The following MERTK variants were observed in gnomAD, a reference collection of about 807,000 sequenced individuals.
MERTK encodes MER proto-oncogene, tyrosine kinase.
Under a neutral mutation model 99.3 loss-of-function variants are expected in MERTK, and 69 were observed. That is an observed-to-expected ratio of 0.70 (90% CI 0.57 to 0.85). The LOEUF (loss-of-function observed/expected upper bound fraction) is 0.85. MERTK is among the 40% of genes least tolerant of loss of function. MERTK has a pLI of 0.00. For missense variants in MERTK, 1,125 were observed against 1,249.4 expected (o/e 0.90, Z 1.50); for synonymous variants, 426 against 467.6 (o/e 0.91, Z 1.15).
At chr2:111,904,578 G>C (rs573586667) in intron 1 of MERTK, among the ~76,000 whole-genome samples, 1 of 152,072 alleles carries the variant, frequency 6.6e-6, no homozygotes, top group Non-Finnish European at 1.5e-5. Context: ...GTTTCACCGT[G>C]TTGGGCAGGC....
chr2:111,967,120 C>T (rs76957207), intron 5 of MERTK, among the ~76,000 whole-genome samples: 1 of 152,198 alleles, frequency 6.6e-6, no homozygotes, highest in Non-Finnish European at 1.5e-5. Context: ...CTGGTGTTCC[C>T]ACTGTCTGCT....
At position 111,937,320 on chromosome 2, in the gene MERTK, T is replaced by C. The variant is rs116856979; in HGVS notation, c.483-7640T>C. On this transcript the variant is annotated intron_variant, in intron 2 of 18. Coordinates refer to ENST00000295408, the MANE Select transcript of MERTK (RefSeq NM_006343.3). Reference sequence around the variant, plus strand: ...AAAAAAAATTAGGCAGACATGGTGGTGCACACTTGTGGTCCCAGCTACTCA... The same window carrying C: ...AAAAAAAATTAGGCAGACATGGTGGCGCACACTTGTGGTCCCAGCTACTCA... Among the ~76,000 whole-genome samples the C allele has an allele frequency of 5.7e-3, 854 of 150,368 alleles. 44 individuals carry two copies. The East Asian group carries it at 0.13, about 23-fold the overall frequency.
chr2:111,913,212 A>G (rs1392087496), intron 1 of MERTK, among the ~76,000 whole-genome samples: 2 of 152,260 alleles, frequency 1.3e-5, no homozygotes, highest in South Asian at 2.1e-4. Flanking sequence ...TACAATCTGT[A>G]TATCAATTTG....
At chr2:111,902,808 C>CTTTT (rs5833423) in intron 1 of MERTK, among the ~76,000 whole-genome samples, 1 of 143,940 alleles carries the variant, frequency 6.9e-6, no homozygotes, top group East Asian at 2.0e-4. Flanking sequence ...CTCCCTCCCT[C>CTTTT]TATTTCTTTA....
Position 111,980,265 on chromosome 2 carries a change from C to T in MERTK, c.1145-2577C>T, listed in dbSNP as rs1390989739. 2.6e-5 allele frequency among the ~76,000 whole-genome samples: 4 copies of T among 152,116 alleles called. No homozygotes were observed. The South Asian group carries it at 6.2e-4, about 24-fold the overall frequency. ...TATTTTCCCAGTTTTCAGCCTGGCT[C>T]CTTATCATGCCTCCATTCTACAGGT... is the stretch of plus-strand genomic sequence containing the variant. On this transcript the variant is annotated intron_variant, in intron 7 of 18. Transcript: ENST00000295408.
rs115828986 is a variant in MERTK at position 111,973,578 on chromosome 2, G to C, written c.961-1711G>C. On this transcript the variant is annotated intron_variant, in intron 6 of 18. Transcript: ENST00000295408. Reference sequence around the variant, plus strand: ...CTGAAATTACAGTACTGTATATCCAGAGCCCAGAACTGCAAGCCCATTATT... The same window carrying C: ...CTGAAATTACAGTACTGTATATCCACAGCCCAGAACTGCAAGCCCATTATT... 9.9e-3 allele frequency among the ~76,000 whole-genome samples: 1,511 copies of C among 152,234 alleles called. 27 individuals carry two copies. The highest frequency in any genetic ancestry group is 0.035 in the African/African-American group (1,454 of 41,532).
In MERTK at chr2:111,898,743, CG is replaced by C. The variant is rs1402909136; in HGVS notation, c.10del (p.Ala4ProfsTer60). 6.2e-7 allele frequency: 1 copy of C among 1,606,430 alleles called. No individual in the cohort carries two copies. Among genetic ancestry groups the C allele is most frequent in the Non-Finnish European group, 8.5e-7 (1 of 1,177,064 alleles). On this transcript the variant is annotated frameshift_variant, in exon 1 of 19. Coordinates refer to ENST00000295408, the MANE Select transcript of MERTK (RefSeq NM_006343.3). LOFTEE classifies it high-confidence loss of function. MG[P>X]APLPLLLGLF... ...CAGATCCGCAGCCCCGGGATGGGGC[CG>C]GCCCCGCTGCCGCTGCTGCTGGGCC...
intron 1 of MERTK, among the ~76,000 whole-genome samples, chr2:111,921,413 T>C (rs1684456917): frequency 6.6e-6 from 1 of 151,700 alleles, no homozygotes; most frequent in Admixed American, 6.6e-5. Flanking sequence ...GGCAGGAGAA[T>C]TGCTTGAACC....
At chr2:111,931,198 C>CT (rs879854025) in intron 2 of MERTK, among the ~76,000 whole-genome samples, 6 of 151,856 alleles carry the variant, frequency 4.0e-5, no homozygotes, top group Non-Finnish European at 7.4e-5. Context: ...AAGATGTGCC[C>CT]TTTTTTTTAC....
rs1684937922 is a variant in MERTK at position 111,944,958 on chromosome 2, A to C, written c.483-2A>C. On this transcript the variant is annotated splice_acceptor_variant, in intron 2 of 18. Transcript: ENST00000295408. LOFTEE classifies it high-confidence loss of function. ...AATATCTTCATGTGTTTTTCTTTGC[A>C]GCATAACCAGTGTGCAGCGTTCAGA... is the stretch of plus-strand genomic sequence containing the variant. The C allele has an allele frequency of 6.2e-7, 1 of 1,611,946 alleles. No homozygotes were observed. Among genetic ancestry groups the C allele is most frequent in the East Asian group, 2.2e-5 (1 of 44,844 alleles).
chr2:111,902,766 G>GTTCC (rs575415189), intron 1 of MERTK, among the ~76,000 whole-genome samples: 4,789 of 134,692 alleles, frequency 0.036, 118 homozygotes, highest in Middle Eastern at 0.11. Context: ...AACCTGATCA[G>GTTCC]TTCCTTCCTT....
chr2:111,985,642 A>G (rs1464130411), intron 8 of MERTK, among the ~76,000 whole-genome samples: 1 of 152,186 alleles, frequency 6.6e-6, no homozygotes, highest in Non-Finnish European at 1.5e-5. Flanking sequence ...GGCAGGAGGC[A>G]GAGAAGGAGC....
At chr2:111,983,729 T>G (rs2104741926) in intron 8 of MERTK, among the ~76,000 whole-genome samples, 1 of 152,320 alleles carries the variant, frequency 6.6e-6, no homozygotes, top group South Asian at 2.1e-4. Flanking sequence ...GCAAACAAGC[T>G]GATCCTCTGT....
chr2:112,020,785 G>T, intron 16 of MERTK: 1 of 419,942 alleles, frequency 2.4e-6, no homozygotes. Flanking sequence ...GTTTTGAGCT[G>T]CTGCTCTTTC....
chr2:111,902,241 G>A (rs1441582281), intron 1 of MERTK, among the ~76,000 whole-genome samples: 1 of 152,118 alleles, frequency 6.6e-6, no homozygotes, highest in Non-Finnish European at 1.5e-5. Context: ...ATTGTAGAAG[G>A]GCCAGTGAGT....
At chr2:111,900,027 A>G (rs1684014707) in intron 1 of MERTK, among the ~76,000 whole-genome samples, 2 of 151,510 alleles carry the variant, frequency 1.3e-5, no homozygotes, top group South Asian at 4.1e-4. Flanking sequence ...ACACATTCCA[A>G]GTATTTTCTC....
chr2:111,900,647 G>A (rs1344487918), intron 1 of MERTK, among the ~76,000 whole-genome samples: 1 of 151,830 alleles, frequency 6.6e-6, no homozygotes, highest in African/African-American at 2.4e-5. Context: ...ATCATAAAAA[G>A]GCCTTTTAAA....
In MERTK at chr2:111,902,136, T is replaced by G. The variant is rs944021680; in HGVS notation, c.61+3340T>G. Reference sequence around the variant, plus strand: ...CCAACCTCAGGTGATCTGCCTGCCTTGGCCTCCCAAAGTGCTGGGATTACA... The same window carrying G: ...CCAACCTCAGGTGATCTGCCTGCCTGGGCCTCCCAAAGTGCTGGGATTACA... On this transcript the variant is annotated intron_variant, in intron 1 of 18. Coordinates refer to ENST00000295408, the MANE Select transcript of MERTK (RefSeq NM_006343.3). 2.6e-5 allele frequency among the ~76,000 whole-genome samples: 4 copies of G among 152,160 alleles called. 1 individual carries two copies. The highest frequency in any genetic ancestry group is 1.3e-4 in the Admixed American group (2 of 15,278).
chr2:111,968,101 G>GTGTGTC, intron 5 of MERTK, 36 bp from the exon 6 acceptor site: 1 of 689,574 alleles, frequency 1.5e-6, no homozygotes, highest in Non-Finnish European at 2.1e-6. Context: ...TTGTGTTTGT[G>GTGTGTC]TGTGTATGTG....
Sources: gnomAD v4.1 joint callset for allele counts (sites outside exome capture counted in the v4.1 genomes callset) on GRCh38, gnomAD v4.1.1 for gene constraint, MANE v1.5 for transcripts, NCBI Gene and HGNC (gene_info 2026-07-23, HGNC 2026-07-21) for gene names.